UACA: variants seen among roughly 807,000 people sequenced by gnomAD.
UACA encodes the protein nuclear membrane binding protein.
Under a neutral mutation model 160.5 loss-of-function variants are expected in UACA, and 112 were observed. The ratio of observed to expected loss-of-function variants is 0.70; its 90% CI spans 0.60 to 0.82. The LOEUF is 0.82. UACA is among the 40% of genes least tolerant of loss of function. The probability of loss-of-function intolerance (pLI) is 0.00; values close to 1 mark genes in which losing one functional copy is unlikely to be tolerated. For missense variants in UACA, 1,574 were observed against 1,614.6 expected (o/e 0.97, Z 0.43); for synonymous variants, 557 against 568.4 (o/e 0.98, Z 0.29).
chr15:70,755,676 T>TA (rs569011645), intron 1 of UACA, among the ~76,000 whole-genome samples: 63 of 141,218 alleles, frequency 4.5e-4, no homozygotes, highest in East Asian at 6.3e-4. Context: ...TTCTCAAAAA[T>TA]AAAAAAAAAA....
chr15:70,695,111 CA>C lies in UACA; in HGVS notation c.213-7del, dbSNP rs534411044. Reference sequence around the variant, plus strand: ...TTGAGGTCACAACATGGAAGCTAAACAAAAAAAAAATATTTGTTGTGCTAAG... The same window carrying C: ...TTGAGGTCACAACATGGAAGCTAAACAAAAAAAAATATTTGTTGTGCTAAG... On this transcript the variant is annotated splice_polypyrimidine_tract_variant and splice_region_variant and intron_variant, in intron 2 of 18. Transcript: ENST00000322954. 2.0e-3 allele frequency: 2,800 copies of C among 1,390,752 alleles called. No homozygotes were observed. Among genetic ancestry groups the C allele is most frequent in the Admixed American group, 3.7e-3 (167 of 44,730 alleles). The allele number at this position is 1,390,752 out of a possible 1,614,324, so 86.2% of individuals were successfully genotyped here.
At chr15:70,675,137 C>A (rs942328437) in intron 13 of UACA, among the ~76,000 whole-genome samples, 1 of 152,086 alleles carries the variant, frequency 6.6e-6, no homozygotes, top group Non-Finnish European at 1.5e-5. Context: ...ATGGGTAAAC[C>A]TCTCTGTGCC....
chr15:70,741,673 C>T (rs574649781), intron 1 of UACA, among the ~76,000 whole-genome samples: 1 of 152,212 alleles, frequency 6.6e-6, no homozygotes, highest in Middle Eastern at 3.4e-3. Flanking sequence ...AATGTTATTA[C>T]TCATGAACAA....
chr15:70,679,402 C>CTAAATAAATAAAT (rs1555410208), intron 10 of UACA, among the ~76,000 whole-genome samples: 2 of 134,058 alleles, frequency 1.5e-5, no homozygotes, highest in African/African-American at 5.6e-5. Flanking sequence ...GACCCCATCT[C>CTAAATAAATAAAT]TAAATAAATA....
chr15:70,714,392 C>G (rs552634915), intron 1 of UACA, among the ~76,000 whole-genome samples: 4 of 152,318 alleles, frequency 2.6e-5, no homozygotes, highest in African/African-American at 9.6e-5. Flanking sequence ...TGACTCTCTT[C>G]TCTTTATTAT....
intron 1 of UACA, among the ~76,000 whole-genome samples, chr15:70,729,322 G>A (rs1394637038): frequency 1.3e-5 from 2 of 152,000 alleles, no homozygotes; most frequent in Non-Finnish European, 1.5e-5. Flanking sequence ...AAGAAAATGT[G>A]GTACATATAT....
the UACA span, among the ~76,000 whole-genome samples, chr15:70,769,496 G>A: frequency 7.9e-5 from 12 of 151,482 alleles, no homozygotes; most frequent in African/African-American, 2.9e-4. Flanking sequence ...GGAAAGGGAA[G>A]GTCATAGGTA....
intron 15 of UACA, 145 bp from the exon 16 acceptor site, chr15:70,669,607 A>T (rs553056141): frequency 1.6e-6 from 1 of 608,548 alleles, no homozygotes; most frequent in Admixed American, 3.6e-5. Context: ...AAAAAATCAC[A>T]ATGCTGATTT....
chr15:70,679,799 C>G, intron 9 of UACA, 123 bp from the exon 10 acceptor site: 1 of 522,698 alleles, frequency 1.9e-6, no homozygotes, highest in Non-Finnish European at 3.3e-6. Context: ...CTGCACATAA[C>G]ACAAGGTGGC....
intron 2 of UACA, among the ~76,000 whole-genome samples, chr15:70,696,866 CAA>C (rs1488463889): frequency 6.6e-6 from 1 of 152,040 alleles, no homozygotes; most frequent in African/African-American, 2.4e-5. Flanking sequence ...CCTCTTTCTT[CAA>C]AAGAGGTCAA....
In UACA at chr15:70,695,668, C is replaced by T. The variant is rs16954689; in HGVS notation, c.213-563G>A. On this transcript the variant is annotated intron_variant, in intron 2 of 18. Coordinates refer to ENST00000322954, the MANE Select transcript of UACA (RefSeq NM_018003.4). The stretch of plus-strand genomic sequence containing the variant: ...AACATTACCAACTAATTACCAACTA[C>T]CAACTAATTCTTCCTTTTGTTCAAA... 5.4e-3 allele frequency among the ~76,000 whole-genome samples: 823 copies of T among 152,226 alleles called. 17 individuals carry two copies. Among genetic ancestry groups the T allele is most frequent in the East Asian group, 0.034 (178 of 5,174 alleles).
At chr15:70,714,901 T>C (rs974564063) in intron 1 of UACA, among the ~76,000 whole-genome samples, 3 of 152,254 alleles carry the variant, frequency 2.0e-5, no homozygotes, top group African/African-American at 7.2e-5. Context: ...TCATTTGTAC[T>C]GTAATATTAC....
At chr15:70,771,108 C>A in the UACA span, among the ~76,000 whole-genome samples, 2 of 152,232 alleles carry the variant, frequency 1.3e-5, no homozygotes, top group South Asian at 2.1e-4. Context: ...AATGTTAACA[C>A]TTTGAATGCT....
chr15:70,682,010 C>G (rs549528147), intron 9 of UACA: 1 of 152,278 alleles, frequency 6.6e-6, no homozygotes, highest in African/African-American at 2.4e-5. Context: ...GTTCCTCTCA[C>G]TAGAGAAAAG....
At chr15:70,697,772 C>G (rs1898181951) in intron 2 of UACA, among the ~76,000 whole-genome samples, 1 of 152,140 alleles carries the variant, frequency 6.6e-6, no homozygotes, top group Admixed American at 6.5e-5. Flanking sequence ...TACTCTTGGC[C>G]GGGCACAGTG....
At chr15:70,682,491 A>C (rs1897546042) in intron 9 of UACA, among the ~76,000 whole-genome samples, 1 of 152,106 alleles carries the variant, frequency 6.6e-6, no homozygotes, top group South Asian at 2.1e-4. Context: ...GAAAAAACTG[A>C]ATGCTCACGG....
At chr15:70,672,721 G>A (rs369824195) in intron 13 of UACA, among the ~76,000 whole-genome samples, 8 of 152,194 alleles carry the variant, frequency 5.3e-5, no homozygotes, top group African/African-American at 1.9e-4. Flanking sequence ...CACTTTGGAA[G>A]GCTGAGACAG....
At chr15:70,758,856 A>T (rs887643403) in intron 1 of UACA, 9 of 152,164 alleles carry the variant, frequency 5.9e-5, no homozygotes, top group Non-Finnish European at 1.3e-4. Context: ...CAGGTCAGAG[A>T]TTACTTCTAC....
chr15:70,728,900 A>G (rs1039038673), intron 1 of UACA, among the ~76,000 whole-genome samples: 2 of 152,210 alleles, frequency 1.3e-5, no homozygotes, highest in African/African-American at 2.4e-5. Flanking sequence ...CACCTCTCAA[A>G]AGAACACATA....
Sources: gnomAD v4.1 joint callset for allele counts (sites outside exome capture counted in the v4.1 genomes callset) on GRCh38, gnomAD v4.1.1 for gene constraint, MANE v1.5 for transcripts, NCBI Gene and HGNC (gene_info 2026-07-23, HGNC 2026-07-21) for gene names.